The following CARNMT1 variants were observed in gnomAD, a reference collection of about 807,000 sequenced individuals.
The protein encoded by CARNMT1 is protein-L-histidine N-pros-methyltransferase CARNMT1.
Under a neutral mutation model 49.6 loss-of-function variants are expected in CARNMT1, and 28 were observed. That is an observed-to-expected ratio of 0.56 (90% CI 0.42 to 0.77). CARNMT1 has a LOEUF of 0.77. CARNMT1 is among the 30% of genes least tolerant of loss of function. The probability of loss-of-function intolerance (pLI) is 0.00; values close to 1 mark genes in which losing one functional copy is unlikely to be tolerated. For missense variants in CARNMT1, 421 were observed against 512.6 expected (o/e 0.82, Z 1.73); for synonymous variants, 178 against 175.0 (o/e 1.02, Z -0.13).
chr9:74,985,345 A>G (rs1237081501), intron 6 of CARNMT1, among the ~76,000 whole-genome samples: 1 of 152,222 alleles, frequency 6.6e-6, no homozygotes. Flanking sequence ...ATAATTCCAT[A>G]AGCAAATGCA....
At chr9:75,004,508 A>T (rs1432580479) in intron 3 of CARNMT1, among the ~76,000 whole-genome samples, 4 of 152,220 alleles carry the variant, frequency 2.6e-5, no homozygotes, top group African/African-American at 9.6e-5. Flanking sequence ...TATGAAACAC[A>T]TACCTGTCTT....
Position 74,983,784 on chromosome 9 carries a change from C to T in CARNMT1, c.1213G>A (p.Val405Ile). Residue 405 changes from valine (V) to isoleucine (I), a missense_variant, in exon 8 of 8, where the codon GTC becomes ATC. Around this residue, in one of 2 missense-constraint regions of CARNMT1, gnomAD observed 235 missense variants for 344.8 expected, o/e 0.68. Transcript: ENST00000376834. ...KYYYECVLFV[V>I]RKPQ ...TGAGACCATTATTGTGGCTTACGGA[C>T]CACAAACAAGACACATTCATAGTAG... The T allele has an allele frequency of 6.2e-6, 10 of 1,604,476 alleles. No homozygotes were observed. The highest frequency in any genetic ancestry group is 6.8e-6 in the Non-Finnish European group (8 of 1,174,396).
In CARNMT1 at chr9:74,981,873, T is replaced by G. The variant is rs1251590490; in HGVS notation, c.*1894A>C. 1 of 152,076 alleles carries G rather than the reference T, an allele frequency of 6.6e-6. No homozygotes were observed. Among genetic ancestry groups the G allele is most frequent in the African/African-American group, 2.4e-5 (1 of 41,442 alleles). The allele number at this position is 152,076 out of a possible 1,614,324, so 9.4% of individuals were successfully genotyped here. On this transcript the variant is annotated 3_prime_UTR_variant, in exon 8 of 8. Transcript: ENST00000376834. ...GATTGATTTTTAAAAAATACTTATG[T>G]ACTTTGCAAGTTTTCTTCTTTTAAA...
chr9:74,987,153 A>G (rs1293450756), intron 6 of CARNMT1, among the ~76,000 whole-genome samples: 3 of 152,326 alleles, frequency 2.0e-5, no homozygotes, highest in Non-Finnish European at 2.9e-5. Context: ...CACAATTGCA[A>G]TAAGTACTTA....
chr9:74,993,440 A>C (rs965733239), intron 6 of CARNMT1, among the ~76,000 whole-genome samples: 2 of 152,170 alleles, frequency 1.3e-5, no homozygotes, highest in African/African-American at 2.4e-5. Flanking sequence ...GAAAGCTAGA[A>C]TTTCATGCAG....
Position 75,018,320 on chromosome 9 carries a change from G to A in CARNMT1, c.231-872C>T, listed in dbSNP as rs114523070. Among the ~76,000 whole-genome samples, 1,309 of 152,114 alleles carry A rather than the reference G, an allele frequency of 8.6e-3. 14 individuals are homozygous for A. Among genetic ancestry groups the A allele is most frequent in the African/African-American group, 0.03 (1,225 of 41,474 alleles). On this transcript the variant is annotated intron_variant, in intron 1 of 7. Transcript: ENST00000376834. Reference sequence around the variant, plus strand: ...CTCAAGCAATCTGCCTGCCCTGGTCGCCCAAAGTACTGGGATTACAGACAT... The same window carrying A: ...CTCAAGCAATCTGCCTGCCCTGGTCACCCAAAGTACTGGGATTACAGACAT...
In CARNMT1 at chr9:75,028,263, G is replaced by A. The variant is rs1822592009; in HGVS notation, c.-22C>T. On this transcript the variant is annotated 5_prime_UTR_variant, in exon 1 of 8. Transcript: ENST00000376834. ...GCATCGCCGCCGCGGCCCTCGGCCT[G>A]GCTCGCTTGCGTCTCTCCGCGACCG... 1 of 1,359,906 alleles carries A rather than the reference G, an allele frequency of 7.4e-7. No homozygotes were observed. Among genetic ancestry groups the A allele is most frequent in the Non-Finnish European group, 9.4e-7 (1 of 1,060,276 alleles). The allele number at this position is 1,359,906 out of a possible 1,614,324, so 84.2% of individuals were successfully genotyped here. A position where few individuals can be genotyped will look rare whatever the true frequency, so the allele number is the denominator to read the frequency against.
chr9:75,006,964 A>G (rs932302935), intron 3 of CARNMT1, among the ~76,000 whole-genome samples: 3 of 152,204 alleles, frequency 2.0e-5, no homozygotes, highest in Admixed American at 2.0e-4. Flanking sequence ...TGATTCTATA[A>G]TCACTGAGTA....
intron 3 of CARNMT1, among the ~76,000 whole-genome samples, chr9:75,000,957 C>T (rs1000554155): frequency 2.6e-5 from 4 of 152,072 alleles, no homozygotes; most frequent in Non-Finnish European, 4.4e-5. Flanking sequence ...AAGGGAACTG[C>T]CATGATGGCA....
intron 3 of CARNMT1, among the ~76,000 whole-genome samples, chr9:75,001,584 G>C (rs984361084): frequency 6.6e-6 from 1 of 152,180 alleles, no homozygotes; most frequent in African/African-American, 2.4e-5. Flanking sequence ...AAGTGGACAT[G>C]TAAGAAATGC....
At chr9:75,006,240 C>A (rs1201878781) in intron 3 of CARNMT1, among the ~76,000 whole-genome samples, 2 of 151,902 alleles carry the variant, frequency 1.3e-5, no homozygotes, top group Non-Finnish European at 2.9e-5. Context: ...TTAGTAGAGA[C>A]GGGGCCTCAC....
chr9:75,027,944 C>G, intron 1 of CARNMT1, 68 bp downstream of exon 1: 2 of 1,464,026 alleles, frequency 1.4e-6, no homozygotes, highest in East Asian at 3.0e-5. Context: ...CGCCCCCGTT[C>G]CGGCGGGTCC....
In CARNMT1 at chr9:75,027,239, G is replaced by A. The variant is rs555378421; in HGVS notation, c.230+773C>T. ...ACTTTAACATCTATCTAGAAGAAACGTGGAAGTTAGGGAGCTGTTTTTATG... is the reference window on the plus strand; with the variant it reads ...ACTTTAACATCTATCTAGAAGAAACATGGAAGTTAGGGAGCTGTTTTTATG... On this transcript the variant is annotated intron_variant, in intron 1 of 7. Transcript: ENST00000376834. 7.5e-5 allele frequency: 69 copies of A among 922,762 alleles called. No individual in the cohort carries two copies. The African/African-American group carries it at 1.1e-3, about 14-fold the overall frequency. 57.2% of individuals were successfully genotyped at this position (922,762 alleles called of 1,614,324 possible).
intron 3 of CARNMT1, among the ~76,000 whole-genome samples, chr9:75,000,925 G>A (rs1450179730): frequency 6.6e-6 from 1 of 151,974 alleles, no homozygotes; most frequent in African/African-American, 2.4e-5. Context: ...ATAGCTCTAG[G>A]ACTCTGTGCT....
At chr9:75,012,908 A>G (rs1833742369) in intron 3 of CARNMT1, among the ~76,000 whole-genome samples, 1 of 148,096 alleles carries the variant, frequency 6.8e-6, no homozygotes, top group African/African-American at 2.5e-5. Context: ...ACTGAGCAAG[A>G]CTCCGTCTCA....
At chr9:75,010,078 T>TA (rs59158137) in intron 3 of CARNMT1, 9,396 of 132,554 alleles carry the variant, frequency 0.071, 346 homozygotes, top group Middle Eastern at 0.1. Flanking sequence ...GTATAAGAGA[T>TA]AAAAAAAACT....
chr9:75,001,608 C>T (rs1396117264), intron 3 of CARNMT1, among the ~76,000 whole-genome samples: 1 of 152,118 alleles, frequency 6.6e-6, no homozygotes, highest in Non-Finnish European at 1.5e-5. Context: ...AAAACAAACC[C>T]TCTAGAACTG....
rs531761715 is a variant in CARNMT1 at position 74,982,991 on chromosome 9, T to G, written c.*776A>C. 1 of 152,188 alleles carries G rather than the reference T, an allele frequency of 6.6e-6. No individual in the cohort carries two copies. Among genetic ancestry groups the G allele is most frequent in the South Asian group, 2.1e-4 (1 of 4,834 alleles). 9.4% of individuals were successfully genotyped at this position (152,188 alleles called of 1,614,324 possible). A position where few individuals can be genotyped will look rare whatever the true frequency, so the allele number is the denominator to read the frequency against. On this transcript the variant is annotated 3_prime_UTR_variant, in exon 8 of 8. Transcript: ENST00000376834. ...TATATTTTACCGGCCTGTGATGCTATTAAATTTAACATTTCATAAAAAAGA... is the reference window on the plus strand; with the variant it reads ...TATATTTTACCGGCCTGTGATGCTAGTAAATTTAACATTTCATAAAAAAGA...
rs143621889 is a variant in CARNMT1, at chr9:75,014,784, T to C, written c.590+1484A>G. Among the ~76,000 whole-genome samples, 959 of 152,020 alleles carry C rather than the reference T, an allele frequency of 6.3e-3. 8 individuals are homozygous for C. Among genetic ancestry groups the C allele is most frequent in the African/African-American group, 0.022 (912 of 41,458 alleles). On this transcript the variant is annotated intron_variant, in intron 3 of 7. Coordinates refer to ENST00000376834, the MANE Select transcript of CARNMT1 (RefSeq NM_152420.3). Reference sequence around the variant, plus strand: ...ATCACTTGAGCCCAGGAGGCGGAGGTTGCAGTAAGCAGCGCCACTGCACCC... The same window carrying C: ...ATCACTTGAGCCCAGGAGGCGGAGGCTGCAGTAAGCAGCGCCACTGCACCC...
Sources: gnomAD v4.1 joint callset for allele counts (sites outside exome capture counted in the v4.1 genomes callset) on GRCh38, gnomAD v4.1.1 for gene constraint, gnomAD v4.1.1 regional missense constraint, MANE v1.5 for transcripts, NCBI Gene and HGNC (gene_info 2026-07-23, HGNC 2026-07-21) for gene names.